The following SMIM14 variants were observed in gnomAD, a reference collection of about 807,000 sequenced individuals.
The protein encoded by SMIM14 is chromosome 4 open reading frame 34.
SMIM14 carries 5 observed loss-of-function variants against 12.6 expected under a neutral mutation model. The observed-to-expected ratio is 0.40, with a 90% CI of 0.21 to 0.83. SMIM14 has a LOEUF of 0.83. SMIM14 is among the 40% of genes least tolerant of loss of function. The pLI is 0.37. For missense variants in SMIM14, 86 were observed against 119.1 expected (o/e 0.72, Z 1.29); for synonymous variants, 30 against 40.1 (o/e 0.75, Z 0.95).
intron 2 of SMIM14, among the ~76,000 whole-genome samples, chr4:39,583,447 C>T (rs1023262781): frequency 6.6e-6 from 1 of 151,992 alleles, no homozygotes. Flanking sequence ...TCAGGTCATT[C>T]ATTCCAAATT....
At chr4:39,609,839 C>T (rs1441436302) in intron 1 of SMIM14, among the ~76,000 whole-genome samples, 4 of 152,206 alleles carry the variant, frequency 2.6e-5, no homozygotes, top group Non-Finnish European at 5.9e-5. Context: ...GCTCTTTCAA[C>T]AGATCAGCGA....
chr4:39,573,240 C>G (rs1254869428), intron 2 of SMIM14, among the ~76,000 whole-genome samples: 1 of 151,994 alleles, frequency 6.6e-6, no homozygotes, highest in African/African-American at 2.4e-5. Context: ...GGATTACAGG[C>G]ACCCGCCACC....
At chr4:39,594,244 C>T (rs998809804) in intron 2 of SMIM14, 10 of 152,068 alleles carry the variant, frequency 6.6e-5, no homozygotes, top group African/African-American at 9.7e-5. Context: ...TCGGAAATAA[C>T]GCCGCATATC....
intron 2 of SMIM14, among the ~76,000 whole-genome samples, chr4:39,575,088 T>G (rs1053723746): frequency 6.6e-6 from 1 of 150,798 alleles, no homozygotes; most frequent in East Asian, 1.9e-4. Context: ...AGTTTTTTTT[T>G]TTTTTTTTTT....
chr4:39,568,852 A>T (rs1375645320), intron 3 of SMIM14, among the ~76,000 whole-genome samples: 2 of 152,206 alleles, frequency 1.3e-5, no homozygotes, highest in Non-Finnish European at 2.9e-5. Context: ...CTCAGAAAGG[A>T]TTTTTACCAA....
chr4:39,632,089 C>G (rs1241181555), intron 1 of SMIM14, among the ~76,000 whole-genome samples: 1 of 151,972 alleles, frequency 6.6e-6, no homozygotes, highest in African/African-American at 2.4e-5. Flanking sequence ...AGAGTTAATT[C>G]TTTAAAAATA....
intron 2 of SMIM14, among the ~76,000 whole-genome samples, chr4:39,576,250 C>T (rs535798191): frequency 1.3e-5 from 2 of 150,370 alleles, no homozygotes; most frequent in Non-Finnish European, 3.0e-5. Context: ...CTGGAATGAA[C>T]ACATATTTTT....
chr4:39,610,696 T>TAAA (rs368297350), intron 1 of SMIM14, among the ~76,000 whole-genome samples: 1 of 133,716 alleles, frequency 7.5e-6, no homozygotes, highest in Non-Finnish European at 1.6e-5. Flanking sequence ...CCTGGTCTCT[T>TAAA]AAAAAAAAAA....
Position 39,576,742 on chromosome 4 carries a change from T to G in SMIM14, c.76-4279A>C, listed in dbSNP as rs377589104. On this transcript the variant is annotated intron_variant, in intron 2 of 4. Transcript: ENST00000295958. ...TTTTTTTTGAGACGGAGTCTTGCTC[T>G]GTTGCCTAGGCTGGCGTGCAGTGCA... 4.3e-3 allele frequency among the ~76,000 whole-genome samples: 548 copies of G among 127,924 alleles called. 4 individuals carry two copies. Among genetic ancestry groups the G allele is most frequent in the African/African-American group, 0.015 (522 of 34,802 alleles). 83.9% of individuals were successfully genotyped at this position (127,924 alleles called of 152,430 possible).
In SMIM14 at chr4:39,602,586, T is replaced by A. The variant is rs375741313; in HGVS notation, c.75+2485A>T. ...CTCCAGCCTGGGCAACAGAGCAGAC[T>A]CCATGTCAAAAAACAAACAAACAAA... On this transcript the variant is annotated intron_variant, in intron 2 of 4. Transcript: ENST00000295958. Among the ~76,000 whole-genome samples the A allele has an allele frequency of 2.6e-5, 4 of 152,244 alleles. No homozygotes were observed. The South Asian group carries it at 6.2e-4, about 24-fold the overall frequency.
At chr4:39,628,833 A>G (rs1050858956) in intron 1 of SMIM14, among the ~76,000 whole-genome samples, 4 of 150,168 alleles carry the variant, frequency 2.7e-5, no homozygotes, top group Admixed American at 6.6e-5. Context: ...CCTGGGTCCA[A>G]GTGATTCTCC....
At chr4:39,638,492 C>A in intron 1 of SMIM14, 1 of 985,446 alleles carries the variant, frequency 1.0e-6, no homozygotes, top group Non-Finnish European at 1.2e-6. Flanking sequence ...GCCTGCAAAG[C>A]CCCGACTCTG....
intron 1 of SMIM14, among the ~76,000 whole-genome samples, chr4:39,614,722 A>G (rs1468354752): frequency 6.6e-6 from 1 of 152,182 alleles, no homozygotes; most frequent in Admixed American, 6.5e-5. Context: ...GACTCCAGGT[A>G]TATATTAAGC....
chr4:39,635,915 G>A (rs1356370867), intron 1 of SMIM14, among the ~76,000 whole-genome samples: 1 of 152,066 alleles, frequency 6.6e-6, no homozygotes, highest in Non-Finnish European at 1.5e-5. Flanking sequence ...GCTCACGCAT[G>A]TAATCCCAGC....
intron 3 of SMIM14, among the ~76,000 whole-genome samples, chr4:39,557,956 T>C (rs892249337): frequency 2.0e-5 from 3 of 152,196 alleles, no homozygotes; most frequent in African/African-American, 7.2e-5. Context: ...TATTTTAAAA[T>C]TTTATCAATT....
intron 2 of SMIM14, chr4:39,594,587 A>G (rs1198895023): frequency 6.7e-6 from 1 of 148,832 alleles, no homozygotes; most frequent in Non-Finnish European, 1.5e-5. Context: ...TCTGCACAGC[A>G]AAAGAAACTA....
chr4:39,560,317 C>T (rs911243161), intron 3 of SMIM14, among the ~76,000 whole-genome samples: 65 of 145,618 alleles, frequency 4.5e-4, no homozygotes, highest in Non-Finnish European at 8.4e-4. Flanking sequence ...GCGCGATCTC[C>T]GCTCACTACA....
chr4:39,614,119 G>A (rs1715129372), intron 1 of SMIM14, among the ~76,000 whole-genome samples: 1 of 148,972 alleles, frequency 6.7e-6, no homozygotes, highest in East Asian at 2.0e-4. Context: ...GAACCTGGGA[G>A]GGTTGTAGTG....
rs1716200245 is a variant in SMIM14, at chr4:39,638,733, A to C, written c.-36+6T>G. The C allele has an allele frequency of 1.0e-6, 1 of 984,846 alleles. No homozygotes were observed. Among genetic ancestry groups the C allele is most frequent in the Non-Finnish European group, 1.2e-6 (1 of 829,874 alleles). The allele number at this position is 984,846 out of a possible 1,614,324, so 61.0% of individuals were successfully genotyped here. ...AAACGCTGGTGGGAGAGGGGGAGAC[A>C]CTCACCCGCCCAGACAACAACCGAT... On this transcript the variant is annotated splice_donor_region_variant and intron_variant, in intron 1 of 4. Transcript: ENST00000295958.
Sources: allele counts gnomAD v4.1 joint callset (sites outside exome capture counted in the v4.1 genomes callset), GRCh38; gene constraint gnomAD v4.1.1; transcripts MANE v1.5; gene names NCBI Gene and HGNC (gene_info 2026-07-23, HGNC 2026-07-21).